Variants in TPP1 observed in about 807,000 individuals in gnomAD.
TPP1 encodes tripeptidyl-peptidase 1.
TPP1 carries 43 observed loss-of-function variants against 67.6 expected under a neutral mutation model. The observed-to-expected ratio is 0.64, with a 90% CI of 0.50 to 0.82. TPP1 has a LOEUF of 0.82. Among genes scored for constraint, TPP1 ranks in the 40% least tolerant of loss-of-function variants. The pLI, the probability that TPP1 is intolerant of heterozygous loss-of-function variation, is 0.00. For synonymous variants in TPP1, 272 were observed against 281.5 expected, an observed-to-expected ratio of 0.97 and a Z score of 0.34; for missense variants, 671 against 710.9, an observed-to-expected ratio of 0.94 and a Z score of 0.64.
rs745907280 is a variant in TPP1, at chr11:6,618,784, G to A, written c.221C>T (p.Pro74Leu). 2 of 1,613,800 alleles carry A rather than the reference G, an allele frequency of 1.2e-6. No homozygotes were observed. The highest frequency in any genetic ancestry group is 2.2e-5 in the South Asian group (2 of 91,088). The change falls in exon 3 of 13, where the codon CCT becomes CTT. Residue 74 changes from proline to leucine, a missense_variant. Coordinates refer to ENST00000299427, the MANE Select transcript of TPP1 (RefSeq NM_000391.4). The stretch of plus-strand genomic sequence containing the variant: ...TCAGTCCCAAAAGGCACCGTATTGA[G>A]GAGAGCTGGGATCCGACACAGCCTG... ...LVQAVSDPSS[P>L]QYGKYLTLEN...
In TPP1 at chr11:6,617,098, C is replaced by G; in HGVS notation, c.564G>C (p.Pro188=). ...GCAGGCCTACAGTCCCTGTCACCTG[C>G]GGCTCAGGACGTTGCCTCAGGGATG... ...PTSSLRQRPE[P]QVTGTVGLHL... The change falls in exon 6 of 13, where the codon CCG becomes CCC. Residue 188 remains proline (P), a synonymous_variant. Transcript: ENST00000299427. 6.2e-7 allele frequency: 1 copy of G among 1,614,132 alleles called. No homozygotes were observed. Among genetic ancestry groups the G allele is most frequent in the East Asian group, 2.2e-5 (1 of 44,876 alleles).
Position 6,614,589 on chromosome 11 carries a change from G to A in TPP1, c.1649C>T (p.Thr550Ile). The A allele has an allele frequency of 1.9e-6, 3 of 1,614,106 alleles. No homozygotes were observed. The South Asian group carries it at 3.3e-5, about 18-fold the overall frequency. The change falls in exon 13 of 13, where the codon ACA (threonine) becomes ATA (isoleucine). Residue 550 changes from threonine to isoleucine, a missense_variant. Transcript: ENST00000299427. Reference protein sequence around the residue: ...PGWDPVTGWGTPNFPALLKTL... With the variant: ...PGWDPVTGWGIPNFPALLKTL... The stretch of plus-strand genomic sequence containing the variant: ...CTTCAGCAAAGCTGGGAAGTTGGGT[G>A]TTCCCCAGCCTGTTACAGGATCCCA...
chr11:6,618,285 G>C (rs1476698790), intron 3 of TPP1: 2 of 326,998 alleles, frequency 6.1e-6, no homozygotes, highest in African/African-American at 4.3e-5. Context: ...CTTTAACCAG[G>C]AGAAGGAACC....
Position 6,615,483 on chromosome 11 carries a change from C to G in TPP1, c.1225G>C (p.Gly409Arg). ...GGGAACACATTGCTGAAGCCACCACCACTGATATAGTCAACAATTTCATTT... is the reference window on the plus strand; with the variant it reads ...GGGAACACATTGCTGAAGCCACCACGACTGATATAGTCAACAATTTCATTT... ...ITNEIVDYIS[G>R]GGFSNVFPRP... The change falls in exon 10 of 13, where the codon GGT (glycine) becomes CGT (arginine). Residue 409 changes from glycine to arginine, a missense_variant. By Grantham distance (125) the Gly-to-Arg change is moderately radical (BLOSUM62 -2). Coordinates refer to ENST00000299427, the MANE Select transcript of TPP1 (RefSeq NM_000391.4). The G allele has an allele frequency of 6.2e-7, 1 of 1,614,180 alleles. No homozygotes were observed. Among genetic ancestry groups the G allele is most frequent in the Non-Finnish European group, 8.5e-7 (1 of 1,180,034 alleles).
Position 6,616,877 on chromosome 11 carries a change from G to T in TPP1, c.688-18C>A. The T allele has an allele frequency of 6.2e-7, 1 of 1,614,056 alleles. No homozygotes were observed. The highest frequency in any genetic ancestry group is 1.1e-5 in the South Asian group (1 of 91,088). Reference sequence around the variant, plus strand: ...TCCAGGAACTATGGAGGGAGTCAGAGCAGAGATCGTGGGTCCGAGGGTGAG... The same window carrying T: ...TCCAGGAACTATGGAGGGAGTCAGATCAGAGATCGTGGGTCCGAGGGTGAG... On this transcript the variant is annotated intron_variant, in intron 6 of 12. Coordinates refer to ENST00000299427, the MANE Select transcript of TPP1 (RefSeq NM_000391.4).
chr11:6,615,170 C>T lies in TPP1; in HGVS notation c.1425+1G>A, dbSNP rs1855559040. The T allele has an allele frequency of 6.2e-7, 1 of 1,614,120 alleles. No homozygotes were observed. The highest frequency in any genetic ancestry group is 8.5e-7 in the Non-Finnish European group (1 of 1,180,026). On this transcript the variant is annotated splice_donor_variant, in intron 11 of 12. Coordinates refer to ENST00000299427, the MANE Select transcript of TPP1 (RefSeq NM_000391.4). LOFTEE classifies it high-confidence loss of function. ...GAGTTTGGAGATGGGCTGATTCTCA[C>T]CGAGGTTCCGGACACCCATGGAATG...
intron 3 of TPP1, chr11:6,618,388 G>A (rs931804233): frequency 4.7e-6 from 2 of 427,236 alleles, no homozygotes; most frequent in African/African-American, 4.0e-5. Flanking sequence ...AGATCAGCTG[G>A]GGAGCTGGGC....
chr11:6,614,851 C>T lies in TPP1; in HGVS notation c.1551+15G>A. 1 of 1,614,108 alleles carries T rather than the reference C, an allele frequency of 6.2e-7. No individual in the cohort carries two copies. Among genetic ancestry groups the T allele is most frequent in the Non-Finnish European group, 8.5e-7 (1 of 1,180,030 alleles). On this transcript the variant is annotated intron_variant, in intron 12 of 12. Coordinates refer to ENST00000299427, the MANE Select transcript of TPP1 (RefSeq NM_000391.4). The stretch of plus-strand genomic sequence containing the variant: ...GTTGTTTGAAAACGTCCACACCCTT[C>T]CCTTCCATACTTACATCAAAGAGTC...
rs940343334 is a variant in TPP1 at position 6,614,254 on chromosome 11, G to A, written c.*292C>T. ...CACAGAGTCTGTATACAACCCTTTG[G>A]AAAAGCCTGATTGAAAAGAGAAAGA... is the stretch of plus-strand genomic sequence containing the variant. On this transcript the variant is annotated 3_prime_UTR_variant, in exon 13 of 13. Coordinates refer to ENST00000299427, the MANE Select transcript of TPP1 (RefSeq NM_000391.4). 1.4e-5 allele frequency: 7 copies of A among 488,868 alleles called. No individual in the cohort carries two copies. The highest frequency in any genetic ancestry group is 2.3e-5 in the Non-Finnish European group (6 of 266,268). 30.3% of individuals were successfully genotyped at this position (488,868 alleles called of 1,614,324 possible). A position where few individuals can be genotyped will look rare whatever the true frequency, so the allele number is the denominator to read the frequency against.
chr11:6,618,953 G>C, intron 2 of TPP1, 38 bp from the exon 3 acceptor site: 1 of 1,608,594 alleles, frequency 6.2e-7, no homozygotes, highest in Non-Finnish European at 8.5e-7. Flanking sequence ...CTTTGGTTAG[G>C]GTGGAGATGG....
intron 3 of TPP1, 183 bp downstream of exon 3, chr11:6,618,593 A>T: frequency 7.8e-6 from 6 of 773,044 alleles, no homozygotes; most frequent in Non-Finnish European, 1.3e-5. Context: ...TAAGTAGCAG[A>T]GTCAGAATTT....
intron 9 of TPP1, 124 bp downstream of exon 9, chr11:6,615,881 A>G: frequency 9.0e-7 from 1 of 1,115,184 alleles, no homozygotes; most frequent in Non-Finnish European, 1.3e-6. Flanking sequence ...TACAGCAACC[A>G]GGGCAGGCAA....
Position 6,614,188 on chromosome 11 carries a change from C to G in TPP1, c.*358G>C, listed in dbSNP as rs1418279396. On this transcript the variant is annotated 3_prime_UTR_variant, in exon 13 of 13. Coordinates refer to ENST00000299427, the MANE Select transcript of TPP1 (RefSeq NM_000391.4). ...GAGTAAACGGTGACAGTAGAGGTCT[C>G]CTTGCAGTGAATTGGGGAATGAATA... 6.1e-6 allele frequency: 2 copies of G among 328,574 alleles called. No individual in the cohort carries two copies. The highest frequency in any genetic ancestry group is 7.2e-5 in the East Asian group (1 of 13,982). 20.4% of individuals were successfully genotyped at this position (328,574 alleles called of 1,614,324 possible).
chr11:6,617,977 G>C (rs1855612058), intron 3 of TPP1: 1 of 669,934 alleles, frequency 1.5e-6, no homozygotes, highest in Non-Finnish European at 2.6e-6. Flanking sequence ...CAATAATATG[G>C]ATTTACCCTA....
Position 6,614,226 on chromosome 11 carries a change from G to C in TPP1, c.*320C>G. 1 of 414,284 alleles carries C rather than the reference G, an allele frequency of 2.4e-6. No individual in the cohort carries two copies. Among genetic ancestry groups the C allele is most frequent in the Non-Finnish European group, 4.5e-6 (1 of 220,768 alleles). 25.7% of individuals were successfully genotyped at this position (414,284 alleles called of 1,614,324 possible). ...TGGGGAATGAATATCAAGTGAAATA[G>C]TGCACAGAGTCTGTATACAACCCTT... On this transcript the variant is annotated 3_prime_UTR_variant, in exon 13 of 13. Coordinates refer to ENST00000299427, the MANE Select transcript of TPP1 (RefSeq NM_000391.4).
chr11:6,616,132 C>T (rs938456559), intron 8 of TPP1, 58 bp from the exon 9 acceptor site: 177 of 1,608,216 alleles, frequency 1.1e-4, no homozygotes, highest in African/African-American at 1.6e-4. Context: ...TATGTGGGTT[C>T]GGATGTCAGA....
intron 7 of TPP1, 51 bp downstream of exon 7, chr11:6,616,610 C>T (rs771567768): frequency 6.2e-7 from 1 of 1,611,300 alleles, no homozygotes; most frequent in Non-Finnish European, 8.5e-7. Flanking sequence ...GAGCAGGGAT[C>T]AACACCCATC....
chr11:6,618,687 AG>A, intron 3 of TPP1, 88 bp downstream of exon 3: 1 of 1,569,538 alleles, frequency 6.4e-7, no homozygotes, highest in South Asian at 1.1e-5. Context: ...GTGTCTTGGC[AG>A]GCTCTGACAT....
intron 11 of TPP1, 76 bp downstream of exon 11, chr11:6,615,095 T>A: frequency 6.2e-7 from 1 of 1,613,822 alleles, no homozygotes; most frequent in Non-Finnish European, 8.5e-7. Context: ...TCAGGGGTTC[T>A]AGGTGCAAGG....
Sources: gnomAD v4.1 joint callset for allele counts on GRCh38, gnomAD v4.1.1 for gene constraint, MANE v1.5 for transcripts, NCBI Gene and HGNC (gene_info 2026-07-23, HGNC 2026-07-21) for gene names.